Variants in KANK3 observed in about 807,000 individuals in gnomAD.
The protein encoded by KANK3 is KN motif and ankyrin repeat domain-containing protein 3.
KANK3 carries 61 observed loss-of-function variants against 65.4 expected under a neutral mutation model. The ratio of observed to expected loss-of-function variants is 0.93; its 90% CI spans 0.76 to 1.15. The LOEUF (loss-of-function observed/expected upper bound fraction) is 1.15, where lower values mean the gene tolerates loss of function less well. KANK3 is among the 50% of genes most tolerant of loss of function. The probability of loss-of-function intolerance (pLI) is 0.00; values close to 1 mark genes in which losing one functional copy is unlikely to be tolerated. For missense variants in KANK3, 1,187 were observed against 1,178.8 expected, an observed-to-expected ratio of 1.01 and a Z score of -0.10; for synonymous variants, 586 against 543.3, an observed-to-expected ratio of 1.08 and a Z score of -1.09.
Position 8,335,767 on chromosome 19 carries a change from C to T in KANK3, c.60G>A (p.Pro20=), listed in dbSNP as rs11669559. Residue 20 remains proline (P), a synonymous_variant, in exon 3 of 11, where the codon CCG becomes CCA. Transcript: ENST00000330915. ...LPDLGGPRLC[P]VPAAGGARSP... is the part of the protein sequence containing the mutation. ...TGCGTGCGCCCCCGGCGGCGGGGAC[C>T]GGGCACAGGCGGGGGCCGCCCAGGT... The T allele has an allele frequency of 7.3e-6, 9 of 1,239,968 alleles. No individual in the cohort carries two copies. The African/African-American group carries it at 1.2e-4, about 17-fold the overall frequency. The allele number at this position is 1,239,968 out of a possible 1,614,324, so 76.8% of individuals were successfully genotyped here. A position where few individuals can be genotyped will look rare whatever the true frequency, so the allele number is the denominator to read the frequency against.
At chr19:8,339,194 C>T (rs1331356285) in intron 1 of KANK3, among the ~76,000 whole-genome samples, 1 of 151,930 alleles carries the variant, frequency 6.6e-6, no homozygotes, top group Non-Finnish European at 1.5e-5. Flanking sequence ...AAGATTGGGC[C>T]ACATATAATA....
At chr19:8,332,983 G>GGT in intron 7 of KANK3, 31 bp downstream of exon 7, 1 of 574,906 alleles carries the variant, frequency 1.7e-6, no homozygotes, top group South Asian at 1.6e-5. Flanking sequence ...CCCATTTCCT[G>GGT]GTGTCCCACC....
intron 1 of KANK3, among the ~76,000 whole-genome samples, chr19:8,340,291 T>TATATATATATATATATATATACACACAC (rs1472181365): frequency 3.2e-5 from 3 of 92,852 alleles, no homozygotes; most frequent in African/African-American, 1.3e-4. Context: ...TATATATATA[T>TATATATATATATATATATATACACACAC]ACACACACAC....
intron 7 of KANK3, among the ~76,000 whole-genome samples, 200 bp from the exon 8 acceptor site, chr19:8,325,296 C>CTTTTTTTTTTTTTTTTTTTTTTTTTTTT (rs573315741): frequency 1.3e-5 from 1 of 78,634 alleles, no homozygotes; most frequent in African/African-American, 5.4e-5. Context: ...CCTGTTTCAT[C>CTTTTTTTTTTTTTTTTTTTTTTTTTTTT]TTTTTTTTTT....
intron 10 of KANK3, among the ~76,000 whole-genome samples, 194 bp downstream of exon 10, chr19:8,324,255 C>T (rs1320921726): frequency 6.6e-6 from 1 of 152,204 alleles, no homozygotes; most frequent in Non-Finnish European, 1.5e-5. Context: ...CACCACTACA[C>T]CCCAACCCGG....
chr19:8,335,842 C>T, intron 2 of KANK3, 50 bp from the exon 3 acceptor site: 1 of 1,190,906 alleles, frequency 8.4e-7, no homozygotes. Flanking sequence ...CGGGGAAACC[C>T]GGGAGATACT....
rs1970620220 is a variant in KANK3, at chr19:8,335,471, A to G, written c.356T>C (p.Leu119Pro). Residue 119 changes from leucine to proline, a missense_variant, in exon 3 of 11, where the codon CTG (leucine) becomes CCG (proline). By Grantham distance (98) the Leu-to-Pro change is moderately conservative. Around this residue, in one of 3 missense-constraint regions of KANK3, gnomAD observed 1,078 missense variants for 1,038.2 expected, o/e 1.04. Coordinates refer to ENST00000330915, the MANE Select transcript of KANK3 (RefSeq NM_198471.3). ...GAPSGLLMQPLSPRAPVRNPR... is the reference protein window; with the variant it reads ...GAPSGLLMQPPSPRAPVRNPR... ...GTTGCGCACGGGCGCGCGCGGCGAC[A>G]GCGGCTGCATCAGGAGCCCCGAGGG... 1 of 1,235,206 alleles carries G rather than the reference A, an allele frequency of 8.1e-7. No individual in the cohort carries two copies. The highest frequency in any genetic ancestry group is 3.3e-5 in the East Asian group (1 of 30,500). The allele number at this position is 1,235,206 out of a possible 1,614,324, so 76.5% of individuals were successfully genotyped here. A position where few individuals can be genotyped will look rare whatever the true frequency, so the allele number is the denominator to read the frequency against.
At position 8,335,288 on chromosome 19, in the gene KANK3, G is replaced by A. The variant is rs1459352500; in HGVS notation, c.539C>T (p.Pro180Leu). ...CTCGCGCACCAGCTGCAGTTGGGCA[G>A]GGCCGGGCGAAGCAGGGGCAAGGTT... ...APNLAPASPG[P>L]AQLQLVREQM... The change falls in exon 3 of 11, where the codon CCT becomes CTT. Residue 180 changes from proline (P) to leucine (L), a missense_variant. Physicochemically the swap from Pro to Leu is moderately conservative, Grantham distance 98 (BLOSUM62 -3). This residue lies in a region of KANK3 where 1,078 missense variants were observed against 1,038.2 expected (regional missense o/e 1.04). Coordinates refer to ENST00000330915, the MANE Select transcript of KANK3 (RefSeq NM_198471.3). 8.3e-6 allele frequency: 10 copies of A among 1,209,840 alleles called. No individual in the cohort carries two copies. The highest frequency in any genetic ancestry group is 1.0e-6 in the Non-Finnish European group (1 of 974,002). 74.9% of individuals were successfully genotyped at this position (1,209,840 alleles called of 1,614,324 possible).
In KANK3 at chr19:8,327,282, A is replaced by T. The variant is rs187171072; in HGVS notation, c.1937-2186T>A. Among the ~76,000 whole-genome samples the T allele has an allele frequency of 3.7e-3, 561 of 152,152 alleles. 1 individual carries two copies. Among genetic ancestry groups the T allele is most frequent in the Non-Finnish European group, 6.4e-3 (436 of 67,984 alleles). ...TTAGGGAGGCCAAGGCAGGAGGATC[A>T]CTTGAGGCCAGGAGTCTGAGGCCAG... On this transcript the variant is annotated intron_variant, in intron 7 of 10. Transcript: ENST00000330915.
chr19:8,337,694 G>T, intron 2 of KANK3, 101 bp downstream of exon 2: 1 of 1,363,956 alleles, frequency 7.3e-7, no homozygotes, highest in Non-Finnish European at 1.0e-6. Flanking sequence ...CATTGGAGAG[G>T]ACTGCACTCT....
intron 2 of KANK3, among the ~76,000 whole-genome samples, chr19:8,337,496 G>A (rs926929786): frequency 1.3e-5 from 2 of 150,712 alleles, no homozygotes; most frequent in South Asian, 2.1e-4. Context: ...TCACCACACC[G>A]AGCCGTGCCT....
Position 8,324,434 on chromosome 19 carries a change from C to T in KANK3, c.2382+15G>A. The T allele has an allele frequency of 6.3e-7, 1 of 1,578,918 alleles. No homozygotes were observed. Among genetic ancestry groups the T allele is most frequent in the Non-Finnish European group, 8.6e-7 (1 of 1,161,700 alleles). On this transcript the variant is annotated intron_variant, in intron 10 of 10. Transcript: ENST00000330915. Reference sequence around the variant, plus strand: ...TGCAGCTGGGAAAGTTTGTTTCTTCCAGAGCTGTGCTCACCTGGGTGTCGG... The same window carrying T: ...TGCAGCTGGGAAAGTTTGTTTCTTCTAGAGCTGTGCTCACCTGGGTGTCGG...
chr19:8,324,344 G>A (rs775616933), intron 10 of KANK3, 105 bp downstream of exon 10: 16 of 1,030,100 alleles, frequency 1.6e-5, no homozygotes, highest in Non-Finnish European at 2.2e-5. Context: ...TGCACCCCTG[G>A]TGCCACCTTT....
chr19:8,334,071 G>A lies in KANK3; in HGVS notation c.1473C>T (p.Asp491=). 1.3e-6 allele frequency: 1 copy of A among 760,738 alleles called. No homozygotes were observed. Among genetic ancestry groups the A allele is most frequent in the Non-Finnish European group, 1.7e-6 (1 of 589,592 alleles). 47.1% of individuals were successfully genotyped at this position (760,738 alleles called of 1,614,324 possible). A position where few individuals can be genotyped will look rare whatever the true frequency, so the allele number is the denominator to read the frequency against. ...GGGGCTCGGCGCCACCGTTCTCGCTGTCGCCATCGCTGTCGCTGGCGTCCT... is the reference window on the plus strand; with the variant it reads ...GGGGCTCGGCGCCACCGTTCTCGCTATCGCCATCGCTGTCGCTGGCGTCCT... ...SSEDASDSDG[D]SENGGAEPPG... The change falls in exon 5 of 11, where the codon GAC becomes GAT. Residue 491 remains aspartate (D), a synonymous_variant. Transcript: ENST00000330915.
intron 1 of KANK3, among the ~76,000 whole-genome samples, chr19:8,339,179 T>C (rs575629950): frequency 2.0e-5 from 3 of 151,884 alleles, no homozygotes; most frequent in Non-Finnish European, 4.4e-5. Flanking sequence ...TGTAAGAAAG[T>C]GAGGAAGATT....
At chr19:8,332,968 C>A (rs1051331774) in intron 7 of KANK3, 46 bp downstream of exon 7, 39 of 1,283,420 alleles carry the variant, frequency 3.0e-5, no homozygotes, top group African/African-American at 5.9e-5. Context: ...TGCCCTCTCC[C>A]CCCACCCATT....
At chr19:8,341,736 C>T (rs1484878299) in intron 1 of KANK3, among the ~76,000 whole-genome samples, 1 of 152,220 alleles carries the variant, frequency 6.6e-6, no homozygotes, top group Non-Finnish European at 1.5e-5. Flanking sequence ...AGCAATCTTC[C>T]CAGTTCAGCC....
At chr19:8,329,523 A>AAAAAAAAAAAAAG (rs1427394985) in intron 7 of KANK3, among the ~76,000 whole-genome samples, 1 of 149,470 alleles carries the variant, frequency 6.7e-6, no homozygotes, top group African/African-American at 2.5e-5. Flanking sequence ...AAAAAAGACT[A>AAAAAAAAAAAAAG]ACTATAGAAT....
chr19:8,334,196 CCCATTTAA>C, intron 4 of KANK3, 80 bp from the exon 5 acceptor site: 1 of 1,505,156 alleles, frequency 6.6e-7, no homozygotes, highest in South Asian at 1.3e-5. Context: ...TGTGGCCGTT[CCCATTTAA>C]CGATGAGGAA....
Sources: allele counts gnomAD v4.1 joint callset (sites outside exome capture counted in the v4.1 genomes callset), GRCh38; gene constraint gnomAD v4.1.1; regional missense constraint gnomAD v4.1.1; transcripts MANE v1.5; gene names NCBI Gene and HGNC (gene_info 2026-07-23, HGNC 2026-07-21).